ITPR1: variants seen among roughly 807,000 people sequenced by gnomAD.
ITPR1 encodes the protein inositol 1,4,5-trisphosphate receptor type 1, also known as inositol 1,4,5-trisphosphate-gated calcium channel ITPR1.
In ITPR1, 96 loss-of-function variants were observed where a neutral mutation model predicts 318.4. The ratio of observed to expected loss-of-function variants is 0.30; its 90% CI spans 0.26 to 0.36. The LOEUF (loss-of-function observed/expected upper bound fraction) is 0.36, where lower values mean the gene tolerates loss of function less well. Among genes scored for constraint, ITPR1 ranks in the 10% least tolerant of loss-of-function variants. ITPR1 has a pLI of 1.00. For synonymous variants in ITPR1, 1,312 were observed against 1,289.9 expected, an observed-to-expected ratio of 1.02 and a Z score of -0.37; for missense variants, 2,440 against 3,460.2, an observed-to-expected ratio of 0.71 and a Z score of 7.40.
chr3:4,544,883 C>G (rs1405458657), intron 4 of ITPR1, among the ~76,000 whole-genome samples: 2 of 152,200 alleles, frequency 1.3e-5, no homozygotes, highest in African/African-American at 2.4e-5. Flanking sequence ...CAGCCTTGAC[C>G]TCTTAGGCTT....
chr3:4,611,178 C>T (rs911753302), intron 4 of ITPR1, among the ~76,000 whole-genome samples: 134 of 140,476 alleles, frequency 9.5e-4, no homozygotes, highest in African/African-American at 3.4e-3. Context: ...GTGGATTGCT[C>T]AAGCACAGGA....
intron 44 of ITPR1, among the ~76,000 whole-genome samples, chr3:4,763,192 G>A (rs560194411): frequency 6.6e-6 from 1 of 152,252 alleles, no homozygotes; most frequent in East Asian, 1.9e-4. Context: ...CACACACTGG[G>A]TCCTGTTGGG....
Position 4,836,856 on chromosome 3 carries a change from GA to G in ITPR1, c.8114del (p.Asn2705ThrfsTer10). 2 of 1,592,542 alleles carry G rather than the reference GA, an allele frequency of 1.3e-6. No homozygotes were observed. Among genetic ancestry groups the G allele is most frequent in the Non-Finnish European group, 1.7e-6 (2 of 1,166,144 alleles). Reference sequence around the variant, plus strand: ...TCTGAAGGAGAACAGAATGAGCTGAGAAACCTGCAGGAGAAGCTGGAGTCCA... The same window carrying G: ...TCTGAAGGAGAACAGAATGAGCTGAGAACCTGCAGGAGAAGCTGGAGTCCA... The part of the protein sequence containing the change: ...SDSEGEQNEL[R>X]NLQEKLESTM... On this transcript the variant is annotated frameshift_variant, in exon 61 of 62. Transcript: ENST00000649015. LOFTEE classifies it high-confidence loss of function.
chr3:4,571,093 C>T (rs186907021), intron 4 of ITPR1, among the ~76,000 whole-genome samples: 1 of 152,250 alleles, frequency 6.6e-6, no homozygotes, highest in East Asian at 1.9e-4. Flanking sequence ...GTCCGTGAAG[C>T]CTTTGTTTGT....
chr3:4,591,622 T>C (rs2090405491), intron 4 of ITPR1, among the ~76,000 whole-genome samples: 1 of 152,256 alleles, frequency 6.6e-6, no homozygotes, highest in Admixed American at 6.5e-5. Flanking sequence ...TGAAGAAACA[T>C]GACTGTCTTC....
At position 4,688,117 on chromosome 3, in the gene ITPR1, A is replaced by C. The variant is rs191524345; in HGVS notation, c.3703-378A>C. Among the ~76,000 whole-genome samples, 213 of 143,380 alleles carry C rather than the reference A, an allele frequency of 1.5e-3. 1 individual carries two copies. The highest frequency in any genetic ancestry group is 0.01 in the Middle Eastern group (3 of 288). The allele number at this position is 143,380 out of a possible 152,430, so 94.1% of individuals were successfully genotyped here. On this transcript the variant is annotated intron_variant, in intron 30 of 61. Transcript: ENST00000649015. ...TCACTATGTTGGCCAGGCTGTTCTC[A>C]AACTCCTGCCCTCAAGTGATCCACC...
chr3:4,831,249 C>CCTT, intron 60 of ITPR1: 1 of 313,148 alleles, frequency 3.2e-6, no homozygotes, highest in South Asian at 2.7e-5. Flanking sequence ...TCAGTGTTTG[C>CCTT]CTTCGCAGGG....
At chr3:4,769,979 G>A (rs1283891228) in intron 46 of ITPR1, among the ~76,000 whole-genome samples, 1 of 152,198 alleles carries the variant, frequency 6.6e-6, no homozygotes, top group African/African-American at 2.4e-5. Flanking sequence ...CTGGACCTAG[G>A]GAAACCACCC....
intron 60 of ITPR1, among the ~76,000 whole-genome samples, chr3:4,835,313 A>G (rs1046083541): frequency 7.9e-5 from 12 of 152,186 alleles, no homozygotes; most frequent in African/African-American, 2.7e-4. Context: ...ATTATTTTAA[A>G]TATATTGATG....
intron 5 of ITPR1, among the ~76,000 whole-genome samples, chr3:4,632,715 A>G (rs1030797861): frequency 6.6e-6 from 1 of 152,186 alleles, no homozygotes; most frequent in Non-Finnish European, 1.5e-5. Context: ...TTCATCAGCA[A>G]GTCCTTTCGA....
intron 40 of ITPR1, among the ~76,000 whole-genome samples, chr3:4,719,043 G>GC (rs2041962133): frequency 1.3e-5 from 2 of 152,142 alleles, no homozygotes; most frequent in Admixed American, 1.3e-4. Context: ...ACACTGTTTT[G>GC]CCCCATAGTA....
chr3:4,778,565 C>CT (rs1464292427), intron 48 of ITPR1, among the ~76,000 whole-genome samples: 1 of 152,168 alleles, frequency 6.6e-6, no homozygotes, highest in East Asian at 1.9e-4. Flanking sequence ...TTTAAATGGA[C>CT]TTTTTTTCTG....
chr3:4,644,886 G>C (rs2093420655), intron 8 of ITPR1, among the ~76,000 whole-genome samples: 1 of 152,134 alleles, frequency 6.6e-6, no homozygotes, highest in Admixed American at 6.5e-5. Flanking sequence ...CTATTTTTCA[G>C]GGTGTTGCCA....
chr3:4,515,639 C>T (rs558765674), intron 2 of ITPR1, among the ~76,000 whole-genome samples: 1 of 152,158 alleles, frequency 6.6e-6, no homozygotes, highest in Non-Finnish European at 1.5e-5. Flanking sequence ...CTAGGAGTCA[C>T]ATCAATATTT....
In ITPR1 at chr3:4,760,853, C is replaced by T. The variant is rs563718992; in HGVS notation, c.5545-5677C>T. ...CTCCTTGTAATTATGTTGGGCCCAC[C>T]CGGGTAATCCAAGCTCATCTGTCTA... On this transcript the variant is annotated intron_variant, in intron 44 of 61. Transcript: ENST00000649015. Among the ~76,000 whole-genome samples the T allele has an allele frequency of 6.6e-4, 100 of 152,300 alleles. No individual in the cohort carries two copies. The South Asian group carries it at 0.02, about 31-fold the overall frequency.
intron 46 of ITPR1, among the ~76,000 whole-genome samples, chr3:4,773,649 G>T (rs1441969786): frequency 2.0e-5 from 3 of 152,228 alleles, no homozygotes; most frequent in Non-Finnish European, 4.4e-5. Flanking sequence ...CCTCTCCAGA[G>T]TTGTCCCAAA....
intron 6 of ITPR1, among the ~76,000 whole-genome samples, chr3:4,641,188 T>C (rs2093329533): frequency 6.6e-6 from 1 of 152,220 alleles, no homozygotes; most frequent in Non-Finnish European, 1.5e-5. Context: ...TATAGCCTGT[T>C]GAGTTGGGAA....
At chr3:4,672,931 C>G (rs887581821) in intron 20 of ITPR1, among the ~76,000 whole-genome samples, 1 of 152,208 alleles carries the variant, frequency 6.6e-6, no homozygotes, top group South Asian at 2.1e-4. Context: ...TCAACCCACA[C>G]TCTACTGCAC....
At chr3:4,536,251 T>C (rs1183313445) in intron 4 of ITPR1, among the ~76,000 whole-genome samples, 2 of 152,250 alleles carry the variant, frequency 1.3e-5, no homozygotes, top group African/African-American at 4.8e-5. Flanking sequence ...GTCAATTACA[T>C]ATTGATACAT....
Sources: allele counts gnomAD v4.1 joint callset (sites outside exome capture counted in the v4.1 genomes callset), GRCh38; gene constraint gnomAD v4.1.1; transcripts MANE v1.5; gene names NCBI Gene and HGNC (gene_info 2026-07-23, HGNC 2026-07-21).